The following RASA2 variants were observed in gnomAD, a reference collection of about 807,000 sequenced individuals.
RASA2 encodes RAS p21 protein activator 2, also known as ras GTPase-activating protein 2.
In RASA2, 155 loss-of-function variants were observed where a neutral mutation model predicts 118.2. The ratio of observed to expected loss-of-function variants is 1.31; its 90% confidence interval spans 1.15 to 1.50. The LOEUF (loss-of-function observed/expected upper bound fraction) is 1.50, where lower values mean the gene tolerates loss of function less well. RASA2 is among the 40% of genes most tolerant of loss of function. The probability of loss-of-function intolerance (pLI) is 0.00; values close to 1 mark genes in which losing one functional copy is unlikely to be tolerated. For missense variants in RASA2, 1,016 were observed against 1,009.6 expected, an observed-to-expected ratio of 1.01 and a Z score of -0.09; for synonymous variants, 353 against 349.1, an observed-to-expected ratio of 1.01 and a Z score of -0.12.
At position 141,609,425 on chromosome 3, in the gene RASA2, T is replaced by G; in HGVS notation, c.2231T>G (p.Val744Gly). ...TLGCKPCTAGVPADIQIDIDE... is the reference protein window; with the variant it reads ...TLGCKPCTAGGPADIQIDIDE... Reference sequence around the variant, plus strand: ...TTTTTTTATTTTTACCATAGAGGTGTCCCTGCAGACATCCAAATAGATATT... The same window carrying G: ...TTTTTTTATTTTTACCATAGAGGTGGCCCTGCAGACATCCAAATAGATATT... The change falls in exon 22 of 24, where the codon GTC becomes GGC. Residue 744 changes from valine to glycine, a missense_variant. This residue lies in a region of RASA2 where 120 missense variants were observed against 173.2 expected (regional missense o/e 0.69). Transcript: ENST00000286364. The G allele has an allele frequency of 1.3e-6, 2 of 1,568,340 alleles. No individual in the cohort carries two copies. Among genetic ancestry groups the G allele is most frequent in the Non-Finnish European group, 1.7e-6 (2 of 1,149,128 alleles).
At position 141,487,043 on chromosome 3, in the gene RASA2, C is replaced by T. The variant is rs2081583649; in HGVS notation, c.-41C>T. On this transcript the variant is annotated 5_prime_UTR_variant, in exon 1 of 24. Transcript: ENST00000286364. Reference sequence around the variant, plus strand: ...CGCTGCTGGGCTCCGCCTCGCCCGGCTACGCAGGCGGCAGGGCTGCGGCAC... The same window carrying T: ...CGCTGCTGGGCTCCGCCTCGCCCGGTTACGCAGGCGGCAGGGCTGCGGCAC... 8.5e-7 allele frequency: 1 copy of T among 1,181,672 alleles called. No individual in the cohort carries two copies. Among genetic ancestry groups the T allele is most frequent in the Admixed American group, 4.8e-5 (1 of 20,722 alleles). The allele number at this position is 1,181,672 out of a possible 1,614,324, so 73.2% of individuals were successfully genotyped here. A position where few individuals can be genotyped will look rare whatever the true frequency, so the allele number is the denominator to read the frequency against.
Position 141,612,690 on chromosome 3 carries a change from T to C in RASA2, c.*377T>C, listed in dbSNP as rs2083670952. On this transcript the variant is annotated 3_prime_UTR_variant, in exon 24 of 24. Transcript: ENST00000286364. ...TGTTTTCACTACCATCAGTGCCTGC[T>C]CTATACTGCCAACATTGTGTTTTAC... 5.8e-6 allele frequency: 1 copy of C among 173,148 alleles called. No individual in the cohort carries two copies. Among genetic ancestry groups the C allele is most frequent in the South Asian group, 1.5e-4 (1 of 6,656 alleles). 10.7% of individuals were successfully genotyped at this position (173,148 alleles called of 1,614,324 possible).
rs375934203 is a variant in RASA2, at chr3:141,596,386, G to A, written c.1933+9634G>A. Reference sequence around the variant, plus strand: ...AACAGTATGTAAAGGGAAATTGATTGTTATTAACAAGTAAAGAAAATCTTT... The same window carrying A: ...AACAGTATGTAAAGGGAAATTGATTATTATTAACAAGTAAAGAAAATCTTT... On this transcript the variant is annotated intron_variant, in intron 19 of 23. Transcript: ENST00000286364. Among the ~76,000 whole-genome samples the A allele has an allele frequency of 8.2e-4, 125 of 152,292 alleles. 3 individuals are homozygous for A. The highest frequency in any genetic ancestry group is 2.9e-3 in the African/African-American group (119 of 41,562).
intron 4 of RASA2, among the ~76,000 whole-genome samples, chr3:141,536,163 T>G (rs1169689829): frequency 6.6e-6 from 1 of 152,212 alleles, no homozygotes; most frequent in African/African-American, 2.4e-5. Context: ...AAAAGAGGTT[T>G]AATTGGACTT....
intron 5 of RASA2, among the ~76,000 whole-genome samples, chr3:141,544,395 G>A (rs901881937): frequency 2.0e-5 from 3 of 152,014 alleles, no homozygotes; most frequent in African/African-American, 7.3e-5. Flanking sequence ...CAAATGTTAG[G>A]TCTTTTTTTT....
chr3:141,586,326 T>C (rs1229354711), intron 18 of RASA2, among the ~76,000 whole-genome samples: 4 of 152,158 alleles, frequency 2.6e-5, no homozygotes, highest in African/African-American at 7.2e-5. Context: ...AGTGAGATGA[T>C]GGGTATTTAG....
At chr3:141,580,295 A>G in intron 15 of RASA2, 73 bp from the exon 16 acceptor site, 2 of 1,139,808 alleles carry the variant, frequency 1.8e-6, no homozygotes, top group Non-Finnish European at 2.5e-6. Context: ...TAGTCCATTT[A>G]CTCTATTCTA....
chr3:141,614,116 G>T lies in RASA2; in HGVS notation c.*1803G>T, dbSNP rs2083691584. 3 of 151,898 alleles carry T rather than the reference G, an allele frequency of 2.0e-5. No homozygotes were observed. The allele number at this position is 151,898 out of a possible 1,614,324, so 9.4% of individuals were successfully genotyped here. Reference sequence around the variant, plus strand: ...AGATACCAGTCATTATTCTTTAGTGGCTTTTTAGTCCTCTGCTTTTTTTTT... The same window carrying T: ...AGATACCAGTCATTATTCTTTAGTGTCTTTTTAGTCCTCTGCTTTTTTTTT... On this transcript the variant is annotated 3_prime_UTR_variant, in exon 24 of 24. Transcript: ENST00000286364.
Position 141,581,172 on chromosome 3 carries a change from A to G in RASA2, c.1747A>G (p.Lys583Glu). ...FQEEGYIIAV[K>E]KFLDEISSTE... Reference sequence around the variant, plus strand: ...AGAAGAAGGATATATTATAGCAGTTAAAAAGGTATGATGGTTTTATTCTGG... The same window carrying G: ...AGAAGAAGGATATATTATAGCAGTTGAAAAGGTATGATGGTTTTATTCTGG... Residue 583 changes from lysine to glutamate, a missense_variant, in exon 17 of 24, where the codon AAA (lysine) becomes GAA (glutamate). This residue lies in a region of RASA2 where 896 missense variants were observed against 836.4 expected (regional missense o/e 1.07). Transcript: ENST00000286364. 6.6e-7 allele frequency: 1 copy of G among 1,509,480 alleles called. No homozygotes were observed. Among genetic ancestry groups the G allele is most frequent in the Non-Finnish European group, 8.8e-7 (1 of 1,134,416 alleles). 93.5% of individuals were successfully genotyped at this position (1,509,480 alleles called of 1,614,324 possible). A position where few individuals can be genotyped will look rare whatever the true frequency, so the allele number is the denominator to read the frequency against.
intron 1 of RASA2, among the ~76,000 whole-genome samples, chr3:141,487,823 C>A (rs1022951950): frequency 6.6e-5 from 10 of 152,090 alleles, no homozygotes; most frequent in African/African-American, 2.2e-4. Context: ...GCGGTCTGTT[C>A]GCGGGTGAGC....
In RASA2 at chr3:141,609,399, A is replaced by T. The variant is rs1452561178; in HGVS notation, c.2226-21A>T. The T allele has an allele frequency of 4.3e-6, 6 of 1,389,262 alleles. No individual in the cohort carries two copies. Among genetic ancestry groups the T allele is most frequent in the South Asian group, 1.5e-5 (1 of 66,906 alleles). 86.1% of individuals were successfully genotyped at this position (1,389,262 alleles called of 1,614,324 possible). A position where few individuals can be genotyped will look rare whatever the true frequency, so the allele number is the denominator to read the frequency against. On this transcript the variant is annotated intron_variant, in intron 21 of 23. Coordinates refer to ENST00000286364, the MANE Select transcript of RASA2 (RefSeq NM_006506.5). ...AAAATAAAATTTGTATAATATCTTT[A>T]TTTTTTTATTTTTACCATAGAGGTG...
intron 1 of RASA2, among the ~76,000 whole-genome samples, chr3:141,494,964 A>G (rs1178165680): frequency 6.6e-6 from 1 of 152,208 alleles, no homozygotes; most frequent in East Asian, 1.9e-4. Context: ...TGTAAGTTTC[A>G]TCTACTTATA....
intron 23 of RASA2, among the ~76,000 whole-genome samples, chr3:141,610,425 TTA>T (rs1559799681): frequency 1.3e-5 from 1 of 79,086 alleles, no homozygotes; most frequent in East Asian, 2.3e-4. Flanking sequence ...TATTTATATA[TTA>T]TATATTTATA....
At chr3:141,599,883 T>C (rs1268977691) in intron 19 of RASA2, among the ~76,000 whole-genome samples, 3 of 152,224 alleles carry the variant, frequency 2.0e-5, no homozygotes, top group Admixed American at 2.0e-4. Context: ...AATTAAGTTA[T>C]GTAGAACACT....
rs1351744515 is a variant in RASA2, at chr3:141,614,249, ACT to A, written c.*1939_*1940del. The A allele has an allele frequency of 6.6e-6, 1 of 152,064 alleles. No homozygotes were observed. Among genetic ancestry groups the A allele is most frequent in the Non-Finnish European group, 1.5e-5 (1 of 67,994 alleles). The allele number at this position is 152,064 out of a possible 1,614,324, so 9.4% of individuals were successfully genotyped here. A position where few individuals can be genotyped will look rare whatever the true frequency, so the allele number is the denominator to read the frequency against. On this transcript the variant is annotated 3_prime_UTR_variant, in exon 24 of 24. Transcript: ENST00000286364. ...GGGACCAAGGCTGTGTGCATATATA[ACT>A]CTGGATTTGAAAGGAGGAGAGTTCA... is the stretch of plus-strand genomic sequence containing the variant.
At chr3:141,605,149 A>T (rs1425730129) in intron 19 of RASA2, among the ~76,000 whole-genome samples, 1 of 152,002 alleles carries the variant, frequency 6.6e-6, no homozygotes, top group Non-Finnish European at 1.5e-5. Flanking sequence ...CCTAGTATTT[A>T]GGAGGTTTTC....
intron 14 of RASA2, among the ~76,000 whole-genome samples, chr3:141,574,752 G>C (rs2082984147): frequency 6.6e-6 from 1 of 152,174 alleles, no homozygotes; most frequent in Non-Finnish European, 1.5e-5. Flanking sequence ...TTTTCCAGCT[G>C]CATGCATTCA....
At chr3:141,543,811 G>T (rs765649297) in intron 5 of RASA2, among the ~76,000 whole-genome samples, 8 of 149,944 alleles carry the variant, frequency 5.3e-5, no homozygotes, top group Admixed American at 3.3e-4. Context: ...TTTTTCTCTG[G>T]CTTCTTTTAA....
chr3:141,568,721 A>G (rs1301721613), intron 9 of RASA2, among the ~76,000 whole-genome samples: 2 of 152,210 alleles, frequency 1.3e-5, no homozygotes, highest in South Asian at 2.1e-4. Flanking sequence ...GAGCTTCACT[A>G]CAAAAAGAAT....
Sources: allele counts gnomAD v4.1 joint callset (sites outside exome capture counted in the v4.1 genomes callset), GRCh38; gene constraint gnomAD v4.1.1; regional missense constraint gnomAD v4.1.1; transcripts MANE v1.5; gene names NCBI Gene and HGNC (gene_info 2026-07-23, HGNC 2026-07-21).